Variants in HTRA3 observed in about 807,000 individuals in gnomAD.
HTRA3 encodes HtrA serine peptidase 3.
A neutral mutation model predicts 43.2 loss-of-function variants in HTRA3; 41 were observed. The ratio of observed to expected loss-of-function variants is 0.95; its 90% CI spans 0.74 to 1.23. The LOEUF (loss-of-function observed/expected upper bound fraction) is 1.23. Among genes scored for constraint, HTRA3 ranks in the 50% most tolerant of loss-of-function variants. HTRA3 has a pLI of 0.00. For synonymous variants in HTRA3, 295 were observed against 287.9 expected (o/e 1.02, Z -0.25); for missense variants, 628 against 647.1 (o/e 0.97, Z 0.32).
At position 8,296,344 on chromosome 4, in the gene HTRA3, C is replaced by G; in HGVS notation, c.1051+2143C>G. The G allele has an allele frequency of 1.0e-6, 1 of 985,460 alleles. No individual in the cohort carries two copies. Among genetic ancestry groups the G allele is most frequent in the Non-Finnish European group, 1.2e-6 (1 of 829,946 alleles). The allele number at this position is 985,460 out of a possible 1,614,324, so 61.0% of individuals were successfully genotyped here. A position where few individuals can be genotyped will look rare whatever the true frequency, so the allele number is the denominator to read the frequency against. ...CAGAGCTGTGTCCCCTCCCCAAGGACAGTGCAGACTAACTGAGGAGCCTGA... is the reference window on the plus strand; with the variant it reads ...CAGAGCTGTGTCCCCTCCCCAAGGAGAGTGCAGACTAACTGAGGAGCCTGA... On this transcript the variant is annotated intron_variant, in intron 6 of 8. Coordinates refer to ENST00000307358, the MANE Select transcript of HTRA3 (RefSeq NM_053044.5). This position sits in a 1 kb window ranked among gnomAD's most constrained non-coding sequence, Gnocchi z 5.3.
At chr4:8,298,646 A>G (rs1713537810) in intron 6 of HTRA3, among the ~76,000 whole-genome samples, 1 of 152,180 alleles carries the variant, frequency 6.6e-6, no homozygotes, top group Non-Finnish European at 1.5e-5. Flanking sequence ...CAGATTTAGG[A>G]CTGCGATGCA....
Position 8,271,295 on chromosome 4 carries a change from C to T in HTRA3, c.385+942C>T, listed in dbSNP as rs578024636. ...GGTGTAAAAAGGTTGGGGAACTGAG[C>T]GCTCTATTCCTGTAGTGGAGACTCA... On this transcript the variant is annotated intron_variant, in intron 1 of 8. Coordinates refer to ENST00000307358, the MANE Select transcript of HTRA3 (RefSeq NM_053044.5). Among the ~76,000 whole-genome samples, 7 of 152,282 alleles carry T rather than the reference C, an allele frequency of 4.6e-5. No homozygotes were observed. In the East Asian group the frequency reaches 1.2e-3, roughly 25 times the overall value.
chr4:8,288,981 G>A (rs7664198), intron 3 of HTRA3, among the ~76,000 whole-genome samples: 74,658 of 133,254 alleles, frequency 0.56, 20,706 homozygotes, highest in East Asian at 0.81. Context: ...TCAGGGTCTC[G>A]CTCTGTTGCC....
chr4:8,301,469 ATT>A (rs1713654519), intron 6 of HTRA3, among the ~76,000 whole-genome samples: 1 of 149,962 alleles, frequency 6.7e-6, no homozygotes, highest in Non-Finnish European at 1.5e-5. Context: ...CAGCTTTATT[ATT>A]GAGTCACACT....
At chr4:8,304,649 T>TGTG (rs200394663) in intron 8 of HTRA3, among the ~76,000 whole-genome samples, 5,485 of 118,708 alleles carry the variant, frequency 0.046, 272 homozygotes, top group East Asian at 0.1. Flanking sequence ...TATTGTTTTT[T>TGTG]TTTTTTTTTT....
intron 3 of HTRA3, 84 bp from the exon 4 acceptor site, chr4:8,291,286 C>T (rs978620205): frequency 2.5e-6 from 3 of 1,218,350 alleles, no homozygotes; most frequent in South Asian, 2.4e-5. Flanking sequence ...TCCCTGGGAC[C>T]CCCCTGCCAG....
At chr4:8,287,232 C>G (rs928400027) in intron 3 of HTRA3, among the ~76,000 whole-genome samples, 2 of 152,000 alleles carry the variant, frequency 1.3e-5, no homozygotes, top group African/African-American at 4.8e-5. Flanking sequence ...ACCAGCTGAC[C>G]CAGAAGAGGC....
At position 8,269,974 on chromosome 4, in the gene HTRA3, G is replaced by A; in HGVS notation, c.6G>A (p.Gln2=). The change falls in exon 1 of 9, where the codon CAG becomes CAA. Residue 2 remains glutamine (Q), a synonymous_variant. Transcript: ENST00000307358. ...CCGCCGCCGGCCCTGCCGCCATGCAGGCGCGAGCGCTGCTCCTGGCCGCGT... is the reference window on the plus strand; with the variant it reads ...CCGCCGCCGGCCCTGCCGCCATGCAAGCGCGAGCGCTGCTCCTGGCCGCGT... M[Q]ARALLLAALA... The A allele has an allele frequency of 1.7e-6, 2 of 1,188,618 alleles. No homozygotes were observed. The highest frequency in any genetic ancestry group is 3.9e-5 in the South Asian group (1 of 25,324). 73.6% of individuals were successfully genotyped at this position (1,188,618 alleles called of 1,614,324 possible).
chr4:8,299,841 C>CA (rs1553821600), intron 6 of HTRA3, among the ~76,000 whole-genome samples: 38,167 of 140,644 alleles, frequency 0.27, 5,763 homozygotes, highest in East Asian at 0.61. Context: ...ATGTATTATC[C>CA]TTTTTTTTTT....
rs1419867415 is a variant in HTRA3 at position 8,297,720 on chromosome 4, C to G, written c.1051+3519C>G. On this transcript the variant is annotated intron_variant, in intron 6 of 8. Transcript: ENST00000307358. The surrounding 1 kb of genome is among the most constrained non-coding windows in gnomAD (Gnocchi z 5.8). ...CATGTCCCAGGTGGGCTGTGCAGGTCCTGTCGAGGATCCCACCCCCTGGAT... is the reference window on the plus strand; with the variant it reads ...CATGTCCCAGGTGGGCTGTGCAGGTGCTGTCGAGGATCCCACCCCCTGGAT... Among the ~76,000 whole-genome samples the G allele has an allele frequency of 1.3e-5, 2 of 152,074 alleles. No homozygotes were observed. Among genetic ancestry groups the G allele is most frequent in the Non-Finnish European group, 2.9e-5 (2 of 68,000 alleles).
chr4:8,292,496 C>G, intron 5 of HTRA3, 143 bp downstream of exon 5: 1 of 734,294 alleles, frequency 1.4e-6, no homozygotes, highest in Non-Finnish European at 2.2e-6. Flanking sequence ...GGGCCGGAGG[C>G]CTGGAAGGAG....
chr4:8,270,315 C>T lies in HTRA3; in HGVS notation c.347C>T (p.Thr116Met). 1 of 1,454,844 alleles carries T rather than the reference C, an allele frequency of 6.9e-7. No homozygotes were observed. The highest frequency in any genetic ancestry group is 9.0e-7 in the Non-Finnish European group (1 of 1,110,984). 90.1% of individuals were successfully genotyped at this position (1,454,844 alleles called of 1,614,324 possible). ...CGCCGCGCGCTGCAGCTCTCCGGGACGCCCGTGCGCCAGCTGCAGAAGGGC... is the reference window on the plus strand; with the variant it reads ...CGCCGCGCGCTGCAGCTCTCCGGGATGCCCGTGCGCCAGCTGCAGAAGGGC... Reference protein sequence around the residue: ...ASRRALQLSGTPVRQLQKGAC... With the variant: ...ASRRALQLSGMPVRQLQKGAC... Residue 116 changes from threonine to methionine, a missense_variant, in exon 1 of 9, where the codon ACG becomes ATG. Coordinates refer to ENST00000307358, the MANE Select transcript of HTRA3 (RefSeq NM_053044.5).
intron 3 of HTRA3, among the ~76,000 whole-genome samples, chr4:8,290,699 A>G (rs1713198213): frequency 6.6e-6 from 1 of 152,224 alleles, no homozygotes; most frequent in Non-Finnish European, 1.5e-5. Context: ...AGCTTCTGGA[A>G]CACAGAGCTT....
chr4:8,294,945 A>G (rs1181354181), intron 6 of HTRA3, among the ~76,000 whole-genome samples: 1 of 147,006 alleles, frequency 6.8e-6, no homozygotes, highest in Non-Finnish European at 1.5e-5. Flanking sequence ...TCATCCACCC[A>G]TCCATCCGTC....
chr4:8,304,333 G>T, intron 8 of HTRA3, 54 bp downstream of exon 8: 1 of 1,439,468 alleles, frequency 6.9e-7, no homozygotes, highest in East Asian at 2.3e-5. Context: ...TGAGGTCTGG[G>T]CTGGGGCTGC....
In HTRA3 at chr4:8,295,672, A is replaced by G; in HGVS notation, c.1051+1471A>G. ...CTGACTCAGCAACTCACACTTCCAC[A>G]TTGCTTTGCTGTCTCCTCCCAGCCC... On this transcript the variant is annotated intron_variant, in intron 6 of 8. Coordinates refer to ENST00000307358, the MANE Select transcript of HTRA3 (RefSeq NM_053044.5). This position sits in a 1 kb window ranked among gnomAD's most constrained non-coding sequence, Gnocchi z 6.9. 1 of 1,409,372 alleles carries G rather than the reference A, an allele frequency of 7.1e-7. No individual in the cohort carries two copies. Among genetic ancestry groups the G allele is most frequent in the Non-Finnish European group, 9.3e-7 (1 of 1,078,780 alleles). The allele number at this position is 1,409,372 out of a possible 1,614,324, so 87.3% of individuals were successfully genotyped here. A position where few individuals can be genotyped will look rare whatever the true frequency, so the allele number is the denominator to read the frequency against.
At chr4:8,275,346 T>TGGGC (rs1205364809) in intron 1 of HTRA3, among the ~76,000 whole-genome samples, 1 of 152,180 alleles carries the variant, frequency 6.6e-6, no homozygotes, top group African/African-American at 2.4e-5. Context: ...TGCCGAAAGC[T>TGGGC]GGGCCATGGC....
chr4:8,270,078 C>T lies in HTRA3; in HGVS notation c.110C>T (p.Pro37Leu). 8 of 1,521,548 alleles carry T rather than the reference C, an allele frequency of 5.3e-6. No individual in the cohort carries two copies. The highest frequency in any genetic ancestry group is 7.0e-6 in the Non-Finnish European group (8 of 1,145,800). 94.3% of individuals were successfully genotyped at this position (1,521,548 alleles called of 1,614,324 possible). The change falls in exon 1 of 9, where the codon CCC becomes CTC. Residue 37 changes from proline to leucine, a missense_variant. Pro to Leu is a moderately conservative substitution (Grantham distance 98). Coordinates refer to ENST00000307358, the MANE Select transcript of HTRA3 (RefSeq NM_053044.5). The part of the protein sequence containing the change: ...ARCDVSRCPS[P>L]RCPGGYVPDL... ...TGCGACGTGTCGCGGTGTCCCAGCCCCCGCTGCCCCGGCGGCTACGTGCCC... is the reference window on the plus strand; with the variant it reads ...TGCGACGTGTCGCGGTGTCCCAGCCTCCGCTGCCCCGGCGGCTACGTGCCC...
chr4:8,305,917 G>A (rs567134664), intron 8 of HTRA3, 54 bp from the exon 9 acceptor site: 12 of 1,606,238 alleles, frequency 7.5e-6, no homozygotes, highest in East Asian at 2.2e-5. Flanking sequence ...CCGGGCCTGG[G>A]AAGGCTGTGC....
Sources: gnomAD v4.1 joint callset for allele counts (sites outside exome capture counted in the v4.1 genomes callset) on GRCh38, gnomAD v4.1.1 for gene constraint, Gnocchi (gnomAD v3.1) non-coding constraint, MANE v1.5 for transcripts, NCBI Gene and HGNC (gene_info 2026-07-23, HGNC 2026-07-21) for gene names.